Variants in ITIH5 observed in about 807,000 individuals in gnomAD.
The protein encoded by ITIH5 is inter-alpha-trypsin inhibitor heavy chain H5.
In ITIH5, 65 loss-of-function variants were observed where a neutral mutation model predicts 77.5. That is an observed-to-expected ratio of 0.84 (90% CI 0.69 to 1.03). The LOEUF (loss-of-function observed/expected upper bound fraction) is 1.03. Among genes scored for constraint, ITIH5 ranks in the 50% least tolerant of loss-of-function variants. The pLI is 0.00. For missense variants in ITIH5, 1,208 were observed against 1,213.1 expected (o/e 1.00, Z 0.06); for synonymous variants, 525 against 494.3 (o/e 1.06, Z -0.82).
chr10:7,588,346 T>C (rs1186727244), intron 7 of ITIH5, among the ~76,000 whole-genome samples: 1 of 152,114 alleles, frequency 6.6e-6, no homozygotes, highest in African/African-American at 2.4e-5. Context: ...TGGTGAAACC[T>C]TGTCTCTACT....
intron 7 of ITIH5, among the ~76,000 whole-genome samples, chr10:7,600,734 G>A (rs1008807157): frequency 6.6e-6 from 1 of 152,172 alleles, no homozygotes; most frequent in African/African-American, 2.4e-5. Context: ...ATGGTCCCAG[G>A]AGATGGGGAC....
At position 7,580,037 on chromosome 10, in the gene ITIH5, C is replaced by G. The variant is rs985090875; in HGVS notation, c.1136G>C (p.Arg379Thr). Reference protein sequence around the residue: ...GGTDINGALQRAIRLLNKYVA... With the variant: ...GGTDINGALQTAIRLLNKYVA... ...GTACTTGTTGAGGAGCCTGATGGCC[C>G]TCTGCAGGGCCCCGTTGATGTCTGT... Residue 379 changes from arginine to threonine, a missense_variant, in exon 9 of 14, where the codon AGG becomes ACG. Physicochemically the swap from Arg to Thr is moderately conservative, Grantham distance 71. Transcript: ENST00000397146. The G allele has an allele frequency of 6.2e-7, 1 of 1,609,460 alleles. No homozygotes were observed.
chr10:7,641,360 T>G (rs1296491058), intron 3 of ITIH5, among the ~76,000 whole-genome samples: 1 of 152,088 alleles, frequency 6.6e-6, no homozygotes. Context: ...CTTGCCATCT[T>G]TATCATATTT....
chr10:7,604,175 A>G (rs765470790), intron 7 of ITIH5, among the ~76,000 whole-genome samples: 10 of 152,282 alleles, frequency 6.6e-5, no homozygotes, highest in Middle Eastern at 3.4e-3. Context: ...TTTGGGTCCC[A>G]TGGTTATAAG....
intron 7 of ITIH5, among the ~76,000 whole-genome samples, chr10:7,591,379 C>G (rs1832790663): frequency 6.6e-6 from 1 of 152,182 alleles, no homozygotes; most frequent in Non-Finnish European, 1.5e-5. Flanking sequence ...GGCTGCCCTC[C>G]TTCCCCGCCT....
At chr10:7,565,831 T>C (rs544654310) in intron 13 of ITIH5, among the ~76,000 whole-genome samples, 199 bp downstream of exon 13, 1 of 149,950 alleles carries the variant, frequency 6.7e-6, no homozygotes. Context: ...ATATAATACA[T>C]TATGTATATG....
intron 2 of ITIH5, among the ~76,000 whole-genome samples, chr10:7,644,801 T>C (rs28485584): frequency 0.13 from 13,455 of 104,926 alleles, 1,601 homozygotes; most frequent in African/African-American, 0.3. Context: ...ATATATATCA[T>C]ATATATCACA....
intron 7 of ITIH5, among the ~76,000 whole-genome samples, chr10:7,612,564 T>C (rs1192693538): frequency 6.6e-6 from 1 of 151,998 alleles, no homozygotes; most frequent in Non-Finnish European, 1.5e-5. Flanking sequence ...GTCACAGGAA[T>C]TCAGACTGGT....
At chr10:7,600,855 G>A (rs7076504) in intron 7 of ITIH5, among the ~76,000 whole-genome samples, 142,867 of 152,188 alleles carry the variant, frequency 0.94, 67,570 homozygotes, top group Non-Finnish European at 1. Context: ...GGGAGGACAT[G>A]CGGAGAACTT....
intron 7 of ITIH5, among the ~76,000 whole-genome samples, chr10:7,602,681 C>G (rs893018996): frequency 1.3e-5 from 2 of 152,154 alleles, no homozygotes; most frequent in African/African-American, 4.8e-5. Flanking sequence ...TACTCAGTCT[C>G]GGGTATTTCT....
chr10:7,631,961 A>ATT (rs34105815), intron 5 of ITIH5, among the ~76,000 whole-genome samples: 9 of 139,490 alleles, frequency 6.5e-5, no homozygotes, highest in East Asian at 2.1e-4. Flanking sequence ...TAATTTTTGT[A>ATT]TTTTTTTTTT....
rs1392077307 is a variant in ITIH5, at chr10:7,573,149, T to C, written c.2025A>G (p.Lys675=). ...CCGCATCCTTTGCTTTACCTGATGT[T>C]TTAGAGATTTTAATTCTTGGCTGGT... ...KPYQPRIKIS[K]TSVDGDPHFV... Residue 675 remains lysine, a synonymous_variant, in exon 11 of 14, where the codon AAA becomes AAG. Transcript: ENST00000397146. The C allele has an allele frequency of 6.2e-7, 1 of 1,613,554 alleles. No individual in the cohort carries two copies. The highest frequency in any genetic ancestry group is 8.5e-7 in the Non-Finnish European group (1 of 1,179,582).
At chr10:7,641,881 A>T in intron 3 of ITIH5, 46 bp downstream of exon 3, 2 of 1,592,644 alleles carry the variant, frequency 1.3e-6, no homozygotes, top group Middle Eastern at 1.8e-4. Context: ...GCTCAACCTG[A>T]CCACCCTAGG....
At chr10:7,637,097 T>G in intron 5 of ITIH5, 131 bp downstream of exon 5, 1 of 1,143,832 alleles carries the variant, frequency 8.7e-7, no homozygotes, top group South Asian at 1.5e-5. Flanking sequence ...ATTGCTATCA[T>G]TCCAGTTCCT....
intron 5 of ITIH5, chr10:7,622,028 G>T (rs1476714221): frequency 2.6e-5 from 4 of 152,172 alleles, no homozygotes; most frequent in African/African-American, 7.2e-5. Context: ...GCTCCGATTT[G>T]AGGGAGGCCA....
intron 13 of ITIH5, among the ~76,000 whole-genome samples, chr10:7,565,622 T>TATATGTATATATGTATATATAC (rs1397197565): frequency 6.7e-6 from 1 of 148,640 alleles, no homozygotes; most frequent in Non-Finnish European, 1.5e-5. Context: ...ATACATTATG[T>TATATGTATATATGTATATATAC]ATATGTATAT....
chr10:7,646,938 C>T (rs945634539), intron 2 of ITIH5, among the ~76,000 whole-genome samples: 14 of 152,192 alleles, frequency 9.2e-5, no homozygotes, highest in African/African-American at 3.4e-4. Context: ...AAGGCACACT[C>T]AGTTTCAAAG....
chr10:7,644,481 TCA>T (rs1297839603), intron 2 of ITIH5, among the ~76,000 whole-genome samples: 1 of 142,606 alleles, frequency 7.0e-6, no homozygotes, highest in Non-Finnish European at 1.5e-5. Flanking sequence ...TCATATATAA[TCA>T]CATATATATC....
chr10:7,608,928 ACTCACCTGAGTG>A (rs1833186848), intron 7 of ITIH5, among the ~76,000 whole-genome samples: 2 of 123,366 alleles, frequency 1.6e-5, no homozygotes, highest in African/African-American at 7.2e-5. Flanking sequence ...ATCTGTGTGC[ACTCACCTGAGTG>A]CACTGTCCTT....
Sources: allele counts gnomAD v4.1 joint callset (sites outside exome capture counted in the v4.1 genomes callset), GRCh38; gene constraint gnomAD v4.1.1; transcripts MANE v1.5; gene names NCBI Gene and HGNC (gene_info 2026-07-23, HGNC 2026-07-21).